MMP24: variants seen among roughly 807,000 people sequenced by gnomAD.
The protein encoded by MMP24 is matrix metallopeptidase 24, also known as matrix metalloproteinase-24.
In MMP24, 25 loss-of-function variants were observed where a neutral mutation model predicts 62.8. That is an observed-to-expected ratio of 0.40 (90% CI 0.29 to 0.56). MMP24 has a LOEUF of 0.56. Ranked by LOEUF, MMP24 falls within the 20% of genes least tolerant of loss-of-function variation. MMP24 has a pLI of 0.50. For synonymous variants in MMP24, 319 were observed against 350.5 expected (o/e 0.91, Z 1.00); for missense variants, 634 against 853.6 (o/e 0.74, Z 3.21).
In MMP24 at chr20:35,255,471, G is replaced by A. The variant is rs2060570247; in HGVS notation, c.817+717G>A. 2.6e-5 allele frequency among the ~76,000 whole-genome samples: 4 copies of A among 152,164 alleles called. No individual in the cohort carries two copies. The South Asian group carries it at 6.2e-4, about 24-fold the overall frequency. On this transcript the variant is annotated intron_variant, in intron 4 of 8. Coordinates refer to ENST00000246186, the MANE Select transcript of MMP24 (RefSeq NM_006690.4). ...TCTCCTTTGTCACCCTCACAGGTGA[G>A]TAGCAGGCCCTGAAATTATTCTGGC...
chr20:35,256,556 GAA>G (rs2060575629), intron 4 of MMP24: 1 of 151,650 alleles, frequency 6.6e-6, no homozygotes, highest in Non-Finnish European at 1.5e-5. Flanking sequence ...CCATCTCTAC[GAA>G]AAACACAAAA....
intron 1 of MMP24, among the ~76,000 whole-genome samples, chr20:35,235,402 T>C (rs1283723510): frequency 6.6e-6 from 1 of 151,474 alleles, no homozygotes. Context: ...AAACCCTGTC[T>C]TAAAAAAATT....
chr20:35,271,629 G>T lies in MMP24; in HGVS notation c.1394G>T (p.Gly465Val). The T allele has an allele frequency of 6.2e-7, 1 of 1,612,030 alleles. No individual in the cohort carries two copies. ...TVEPGYPHSL[G>V]ELGSCLPREG... ...GAGCCTGGGTACCCCCACAGCCTGG[G>T]GGAGCTGGGCAGCTGTTTGCCCCGT... Residue 465 changes from glycine to valine, a missense_variant, in exon 8 of 9, where the codon GGG becomes GTG. Around this residue, in one of 3 missense-constraint regions of MMP24, gnomAD observed 399 missense variants for 530.8 expected, o/e 0.75. Coordinates refer to ENST00000246186, the MANE Select transcript of MMP24 (RefSeq NM_006690.4). This position sits in a 1 kb window ranked among gnomAD's most constrained non-coding sequence, Gnocchi z 4.0.
chr20:35,246,737 T>C (rs1459612836), intron 1 of MMP24, 103 bp from the exon 2 acceptor site: 94 of 1,343,400 alleles, frequency 7.0e-5, no homozygotes, highest in Non-Finnish European at 9.7e-5. Flanking sequence ...AGTCCAGGAG[T>C]CACTGGGGTC....
chr20:35,261,996 T>A (rs906204943), intron 4 of MMP24, among the ~76,000 whole-genome samples: 3 of 151,950 alleles, frequency 2.0e-5, no homozygotes, highest in African/African-American at 7.3e-5. Context: ...GAGATGGGGT[T>A]TCACCATGTT....
intron 3 of MMP24, among the ~76,000 whole-genome samples, chr20:35,253,269 A>AATTTTTTTTTTT: frequency 1.6e-5 from 1 of 62,494 alleles, no homozygotes; most frequent in East Asian, 3.7e-4. Context: ...ACAGAACGGG[A>AATTTTTTTTTTT]CTTTTTTTTT....
At chr20:35,227,250 T>A (rs1423299127) in intron 1 of MMP24, among the ~76,000 whole-genome samples, 1 of 151,202 alleles carries the variant, frequency 6.6e-6, no homozygotes, top group Non-Finnish European at 1.5e-5. Flanking sequence ...TCGGGTTTGT[T>A]GTGTTGGCAG....
chr20:35,241,744 A>G (rs1460938929), intron 1 of MMP24, among the ~76,000 whole-genome samples: 2 of 152,188 alleles, frequency 1.3e-5, no homozygotes, highest in Admixed American at 1.3e-4. Flanking sequence ...AGAGCACTGG[A>G]ACGCTAGAGT....
intron 1 of MMP24, chr20:35,236,154 G>A (rs1254996630): frequency 6.6e-6 from 1 of 152,220 alleles, no homozygotes; most frequent in Admixed American, 6.5e-5. Flanking sequence ...AGCTAAGCTG[G>A]GCATTGTGGG....
intron 1 of MMP24, among the ~76,000 whole-genome samples, chr20:35,244,344 G>A (rs566426035): frequency 2.6e-5 from 4 of 152,196 alleles, no homozygotes; most frequent in South Asian, 2.1e-4. Flanking sequence ...ACAAATACAC[G>A]GATGTTTTCC....
Position 35,276,249 on chromosome 20 carries a change from C to T in MMP24, c.*1640C>T, listed in dbSNP as rs2060705162. 2 of 398,880 alleles carry T rather than the reference C, an allele frequency of 5.0e-6. No individual in the cohort carries two copies. The highest frequency in any genetic ancestry group is 1.3e-4 in the South Asian group (1 of 7,864). 24.7% of individuals were successfully genotyped at this position (398,880 alleles called of 1,614,324 possible). ...TGCCCATGTGGGTCCGCTGTGTCCC[C>T]TGTCATCATCCTTGTTTTTTCTCAT... On this transcript the variant is annotated 3_prime_UTR_variant, in exon 9 of 9. Transcript: ENST00000246186.
chr20:35,247,842 G>C (rs944564645), intron 2 of MMP24, among the ~76,000 whole-genome samples: 1 of 152,200 alleles, frequency 6.6e-6, no homozygotes, highest in African/African-American at 2.4e-5. Context: ...GATGAAGTCA[G>C]ACTGAAGTGG....
intron 7 of MMP24, among the ~76,000 whole-genome samples, chr20:35,270,338 T>C (rs774082711): frequency 7.2e-5 from 11 of 152,182 alleles, no homozygotes; most frequent in East Asian, 3.9e-4. Flanking sequence ...ATACAGATAG[T>C]GAGAAGCAAG....
chr20:35,235,124 T>C (rs113633743), intron 1 of MMP24, among the ~76,000 whole-genome samples: 2,340 of 152,286 alleles, frequency 0.015, 63 homozygotes, highest in African/African-American at 0.053. Context: ...TGAGACTTGG[T>C]CTGGCTGTGG....
Position 35,247,403 on chromosome 20 carries a change from CAT to C in MMP24, c.395+416_395+417del, listed in dbSNP as rs148643608. Among the ~76,000 whole-genome samples, 831 of 152,292 alleles carry C rather than the reference CAT, an allele frequency of 5.5e-3. 11 individuals carry two copies. The highest frequency in any genetic ancestry group is 0.019 in the African/African-American group (802 of 41,546). On this transcript the variant is annotated intron_variant, in intron 2 of 8. Transcript: ENST00000246186. Reference sequence around the variant, plus strand: ...GGCTCCACTTTTTCCATTTACCAAACATGTGCTGGGTGCCTGCATGTGCCTGT... The same window carrying C: ...GGCTCCACTTTTTCCATTTACCAAACGTGCTGGGTGCCTGCATGTGCCTGT...
Position 35,271,281 on chromosome 20 carries a change from T to TAGC in MMP24, c.1334-285_1334-283dup, listed in dbSNP as rs2060667634. ...GAGCCTCAGAGTCGGGTGTCACTGG[T>TAGC]AGCAGGTTTGGGGAGTGGTAGTGCA... On this transcript the variant is annotated intron_variant, in intron 7 of 8. Coordinates refer to ENST00000246186, the MANE Select transcript of MMP24 (RefSeq NM_006690.4). The surrounding 1 kb of genome is among the most constrained non-coding windows in gnomAD (Gnocchi z 4.0). 6.6e-6 allele frequency among the ~76,000 whole-genome samples: 1 copy of TAGC among 152,020 alleles called. No homozygotes were observed. Among genetic ancestry groups the TAGC allele is most frequent in the South Asian group, 2.1e-4 (1 of 4,816 alleles).
chr20:35,253,212 A>T (rs2060556663), intron 3 of MMP24, among the ~76,000 whole-genome samples: 1 of 149,126 alleles, frequency 6.7e-6, no homozygotes, highest in South Asian at 2.1e-4. Flanking sequence ...TAAGACAGAG[A>T]TCCTCAAGAG....
chr20:35,241,961 C>T (rs1443887082), intron 1 of MMP24, among the ~76,000 whole-genome samples: 1 of 152,160 alleles, frequency 6.6e-6, no homozygotes, highest in South Asian at 2.1e-4. Context: ...CCAGTAGAGT[C>T]CGTTGGCAGA....
At chr20:35,251,872 A>G (rs1355332131) in intron 2 of MMP24, 33 bp from the exon 3 acceptor site, 1 of 1,530,096 alleles carries the variant, frequency 6.5e-7, no homozygotes, top group Admixed American at 1.7e-5. Context: ...ACCACAGTGC[A>G]TATGCGTGTG....
Sources: gnomAD v4.1 joint callset for allele counts (sites outside exome capture counted in the v4.1 genomes callset) on GRCh38, gnomAD v4.1.1 for gene constraint, gnomAD v4.1.1 regional missense constraint, Gnocchi (gnomAD v3.1) non-coding constraint, MANE v1.5 for transcripts, NCBI Gene and HGNC (gene_info 2026-07-23, HGNC 2026-07-21) for gene names.